The following OXTR variants were observed in gnomAD, a reference collection of about 807,000 sequenced individuals.
OXTR encodes the protein oxytocin receptor.
In OXTR, 19 loss-of-function variants were observed where a neutral mutation model predicts 23.9. That is an observed-to-expected ratio of 0.80 (90% CI 0.56 to 1.17). OXTR has a LOEUF of 1.17. Among genes scored for constraint, OXTR ranks in the 50% most tolerant of loss-of-function variants. The pLI is 0.00. For missense variants in OXTR, 500 were observed against 550.7 expected (o/e 0.91, Z 0.92); for synonymous variants, 278 against 250.5 (o/e 1.11, Z -1.04).
chr3:8,742,121 C>T, the OXTR span, among the ~76,000 whole-genome samples: 1 of 152,112 alleles, frequency 6.6e-6, no homozygotes, highest in Non-Finnish European at 1.5e-5. Context: ...GTACAGCTGC[C>T]TAGAGCTGCC....
At chr3:8,769,111 CG>C (rs891821805) in intron 1 of OXTR, 119 bp downstream of exon 1, 4 of 152,292 alleles carry the variant, frequency 2.6e-5, no homozygotes, top group Non-Finnish European at 4.4e-5. Flanking sequence ...TACAATCTCT[CG>C]GAACACCCCG....
intron 3 of OXTR, among the ~76,000 whole-genome samples, chr3:8,760,433 G>T (rs1021777616): frequency 1.3e-5 from 2 of 152,238 alleles, no homozygotes; most frequent in African/African-American, 4.8e-5. Context: ...TTCACTTGGG[G>T]GTTGACAGAT....
chr3:8,759,871 AC>A (rs1382645049), intron 3 of OXTR, among the ~76,000 whole-genome samples: 4 of 152,154 alleles, frequency 2.6e-5, no homozygotes, highest in Non-Finnish European at 5.9e-5. Context: ...TGGGGCTGGG[AC>A]ACTGGACACC....
intron 3 of OXTR, 28 bp downstream of exon 3, chr3:8,767,238 T>TC (rs770763603): frequency 2.7e-5 from 41 of 1,510,424 alleles, no homozygotes; most frequent in Non-Finnish European, 3.4e-5. Flanking sequence ...CCAGGCTCCC[T>TC]CCTCCTGGGT....
Position 8,750,917 on chromosome 3 carries a change from C to T in OXTR, c.*2060G>A, listed in dbSNP as rs916100183. ...ATACCTAGGAGTGGCATTCCTGGGT[C>T]ATATGGTCACTCTACGTTTAACTTT... On this transcript the variant is annotated 3_prime_UTR_variant, in exon 4 of 4. Transcript: ENST00000316793. The T allele has an allele frequency of 2.6e-5, 4 of 152,158 alleles. No homozygotes were observed. The highest frequency in any genetic ancestry group is 4.4e-5 in the Non-Finnish European group (3 of 68,038). The allele number at this position is 152,158 out of a possible 1,614,324, so 9.4% of individuals were successfully genotyped here. A position where few individuals can be genotyped will look rare whatever the true frequency, so the allele number is the denominator to read the frequency against.
the OXTR span, among the ~76,000 whole-genome samples, chr3:8,741,653 A>C: frequency 6.6e-6 from 1 of 151,982 alleles, no homozygotes; most frequent in Non-Finnish European, 1.5e-5. Context: ...ATACCTCCCC[A>C]CCCTGCTAAG....
rs1284089041 is a variant in OXTR at position 8,753,136 on chromosome 3, G to A, written c.1011C>T (p.Phe337=). ...WIYMLFTGHL[F]HELVQRFLCC... ...ACAGGAAGCGCTGCACGAGTTCGTG[G>A]AAGAGGTGGCCCGTGAACAGCATGT... The change falls in exon 4 of 4, where the codon TTC becomes TTT. Residue 337 remains phenylalanine (F), a synonymous_variant. Coordinates refer to ENST00000316793, the MANE Select transcript of OXTR (RefSeq NM_000916.4). The A allele has an allele frequency of 6.2e-7, 1 of 1,614,174 alleles. No homozygotes were observed. Among genetic ancestry groups the A allele is most frequent in the East Asian group, 2.2e-5 (1 of 44,878 alleles).
Position 8,767,694 on chromosome 3 carries a change from A to G in OXTR, c.494T>C (p.Leu165Pro), listed in dbSNP as rs1454813911. 1 of 1,609,326 alleles carries G rather than the reference A, an allele frequency of 6.2e-7. No homozygotes were observed. Among genetic ancestry groups the G allele is most frequent in the African/African-American group, 1.3e-5 (1 of 74,782 alleles). ...LAVLATWLGC[L>P]VASAPQVHIF... ...GTGCACCTGCGGCGCGCTGGCCACC[A>G]GGCAGCCGAGCCACGTGGCGAGCAC... Residue 165 changes from leucine to proline, a missense_variant, in exon 3 of 4, where the codon CTG (leucine) becomes CCG (proline). Leu to Pro is a moderately conservative substitution (Grantham distance 98). Coordinates refer to ENST00000316793, the MANE Select transcript of OXTR (RefSeq NM_000916.4).
At position 8,767,678 on chromosome 3, in the gene OXTR, C is replaced by T. The variant is rs182142376; in HGVS notation, c.510G>A (p.Pro170=). 1.2e-5 allele frequency: 19 copies of T among 1,610,716 alleles called. No homozygotes were observed. Among genetic ancestry groups the T allele is most frequent in the Non-Finnish European group, 1.6e-5 (19 of 1,178,672 alleles). ...CGCGCAGAGAGAAGATGTGCACCTG[C>T]GGCGCGCTGGCCACCAGGCAGCCGA... ...TWLGCLVASA[P]QVHIFSLREV... is the part of the protein sequence containing the mutation. Residue 170 remains proline (P), a synonymous_variant, in exon 3 of 4, where the codon CCG becomes CCA. Transcript: ENST00000316793.
chr3:8,747,329 A>G (rs1203486566), downstream of OXTR, among the ~76,000 whole-genome samples: 1 of 152,128 alleles, frequency 6.6e-6, no homozygotes, highest in Non-Finnish European at 1.5e-5. Flanking sequence ...ATTTTACCCA[A>G]TTTTGGTTTT....
intron 3 of OXTR, among the ~76,000 whole-genome samples, chr3:8,754,193 G>A (rs1708327438): frequency 6.6e-6 from 1 of 152,220 alleles, no homozygotes; most frequent in African/African-American, 2.4e-5. Context: ...GGAGGTGCAG[G>A]CAAAGTTAAT....
At chr3:8,754,757 C>T (rs1708340758) in intron 3 of OXTR, among the ~76,000 whole-genome samples, 1 of 152,184 alleles carries the variant, frequency 6.6e-6, no homozygotes, top group African/African-American at 2.4e-5. Context: ...GGCCCCACCC[C>T]AGAATTACCC....
chr3:8,742,710 C>A, the OXTR span: 1 of 322,646 alleles, frequency 3.1e-6, no homozygotes, highest in Non-Finnish European at 6.2e-6. Context: ...GGTAATCAAT[C>A]AGTATTTATT....
rs772287851 is a variant in OXTR at position 8,767,714 on chromosome 3, G to A, written c.474C>T (p.Leu158=). ...CCACCAGGCAGCCGAGCCACGTGGC[G>A]AGCACTGCCAGGCGGTCGGTGCGGC... is the stretch of plus-strand genomic sequence containing the variant. The part of the protein sequence containing the change: ...LRRRTDRLAV[L]ATWLGCLVAS... Residue 158 remains leucine, a synonymous_variant, in exon 3 of 4, where the codon CTC becomes CTT. Coordinates refer to ENST00000316793, the MANE Select transcript of OXTR (RefSeq NM_000916.4). 1.7e-5 allele frequency: 27 copies of A among 1,609,788 alleles called. No individual in the cohort carries two copies. Among genetic ancestry groups the A allele is most frequent in the Non-Finnish European group, 2.0e-5 (24 of 1,178,190 alleles).
Position 8,767,658 on chromosome 3 carries a change from A to G in OXTR, c.530T>C (p.Leu177Pro). The stretch of plus-strand genomic sequence containing the variant: ...GAAGACGCCGTCAGCCACCTCGCGC[A>G]GAGAGAAGATGTGCACCTGCGGCGC... ...ASAPQVHIFS[L>P]REVADGVFDC... Residue 177 changes from leucine (L) to proline (P), a missense_variant, in exon 3 of 4, where the codon CTG becomes CCG. Physicochemically the swap from Leu to Pro is moderately conservative, Grantham distance 98. Transcript: ENST00000316793. The G allele has an allele frequency of 6.2e-7, 1 of 1,612,752 alleles. No homozygotes were observed. Among genetic ancestry groups the G allele is most frequent in the East Asian group, 2.2e-5 (1 of 44,838 alleles).
downstream of OXTR, chr3:8,746,563 C>T (rs1041257027): frequency 6.6e-6 from 1 of 152,082 alleles, no homozygotes; most frequent in Admixed American, 6.5e-5. Flanking sequence ...GGGCAGTGAC[C>T]CTTCCAGGGT....
At chr3:8,756,975 G>A (rs1172211428) in intron 3 of OXTR, among the ~76,000 whole-genome samples, 1 of 152,192 alleles carries the variant, frequency 6.6e-6, no homozygotes, top group Non-Finnish European at 1.5e-5. Context: ...CCTTCTCCGG[G>A]GTCCCTCAGG....
chr3:8,745,447 A>T, downstream of OXTR: 1 of 1,102,434 alleles, frequency 9.1e-7, no homozygotes, highest in Non-Finnish European at 1.4e-6. The surrounding 1 kb of genome is among the most constrained non-coding windows in gnomAD (Gnocchi z 4.8). Flanking sequence ...GGGGATTCTG[A>T]CACATGCACG....
At chr3:8,745,724 C>T (rs753153750), downstream of OXTR, 5 of 1,614,012 alleles carry the variant, frequency 3.1e-6, no homozygotes, top group South Asian at 2.2e-5. This position sits in a 1 kb window ranked among gnomAD's most constrained non-coding sequence, Gnocchi z 4.8. Flanking sequence ...GGCGGTGGTG[C>T]CATGCATTAA....
Sources: allele counts gnomAD v4.1 joint callset (sites outside exome capture counted in the v4.1 genomes callset), GRCh38; gene constraint gnomAD v4.1.1; non-coding constraint Gnocchi (gnomAD v3.1); transcripts MANE v1.5; gene names NCBI Gene and HGNC (gene_info 2026-07-23, HGNC 2026-07-21).